SCD5: variants seen among roughly 807,000 people sequenced by gnomAD.
SCD5 encodes the protein stearoyl-CoA desaturase 5, also known as acyl-CoA-desaturase 4.
Under a neutral mutation model 30.4 loss-of-function variants are expected in SCD5, and 20 were observed. That is an observed-to-expected ratio of 0.66 (90% CI 0.46 to 0.96). The LOEUF (loss-of-function observed/expected upper bound fraction) is 0.96. SCD5 is among the 40% of genes least tolerant of loss of function. The pLI is 0.00. For synonymous variants in SCD5, 173 were observed against 176.4 expected (o/e 0.98, Z 0.16); for missense variants, 381 against 443.3 (o/e 0.86, Z 1.26).
chr4:82,770,577 A>G (rs1009610556), intron 1 of SCD5, among the ~76,000 whole-genome samples: 1 of 152,252 alleles, frequency 6.6e-6, no homozygotes, highest in Admixed American at 6.5e-5. Flanking sequence ...CTCTTTATTC[A>G]GGGAAATATT....
chr4:82,763,573 T>C (rs570794804), intron 1 of SCD5, among the ~76,000 whole-genome samples: 12 of 152,256 alleles, frequency 7.9e-5, no homozygotes, highest in Non-Finnish European at 1.6e-4. Flanking sequence ...CTGACTGGCA[T>C]CATAAGAGGA....
chr4:82,708,280 A>T (rs1355174509), intron 1 of SCD5, among the ~76,000 whole-genome samples: 5 of 152,226 alleles, frequency 3.3e-5, no homozygotes, highest in Admixed American at 6.5e-5. Flanking sequence ...CAATTACTGA[A>T]TTCCCATTGG....
intron 3 of SCD5, among the ~76,000 whole-genome samples, chr4:82,665,961 G>A (rs1255789814): frequency 6.6e-6 from 1 of 152,010 alleles, no homozygotes; most frequent in Non-Finnish European, 1.5e-5. Context: ...TCTTGATGCT[G>A]ATTTGCATTT....
In SCD5 at chr4:82,631,147, T is replaced by C; in HGVS notation, c.*180A>G. On this transcript the variant is annotated 3_prime_UTR_variant, in exon 5 of 5. Coordinates refer to ENST00000319540, the MANE Select transcript of SCD5 (RefSeq NM_001037582.3). ...AAACAAAAAAAAAAACGAAAGTTTTTTCATTGATAATTGTATTTCAACATT... is the reference window on the plus strand; with the variant it reads ...AAACAAAAAAAAAAACGAAAGTTTTCTCATTGATAATTGTATTTCAACATT... 1.9e-6 allele frequency: 1 copy of C among 518,112 alleles called. No homozygotes were observed. Among genetic ancestry groups the C allele is most frequent in the East Asian group, 3.3e-5 (1 of 30,262 alleles). 32.1% of individuals were successfully genotyped at this position (518,112 alleles called of 1,614,324 possible). A position where few individuals can be genotyped will look rare whatever the true frequency, so the allele number is the denominator to read the frequency against.
At chr4:82,643,792 G>A (rs1053031408) in intron 3 of SCD5, among the ~76,000 whole-genome samples, 7 of 152,166 alleles carry the variant, frequency 4.6e-5, no homozygotes, top group Admixed American at 3.9e-4. Flanking sequence ...AGAGCACAGG[G>A]GCAGAAATCA....
At chr4:82,726,324 G>A (rs977441996) in intron 1 of SCD5, among the ~76,000 whole-genome samples, 9 of 151,764 alleles carry the variant, frequency 5.9e-5, no homozygotes, top group Admixed American at 5.9e-4. Flanking sequence ...GGCTGAGGCA[G>A]GAGAATCGCT....
chr4:82,672,912 T>C (rs951951539), intron 3 of SCD5, among the ~76,000 whole-genome samples: 1 of 152,072 alleles, frequency 6.6e-6, no homozygotes, highest in Non-Finnish European at 1.5e-5. Flanking sequence ...ATTAATGTAA[T>C]CTACCACATT....
intron 3 of SCD5, among the ~76,000 whole-genome samples, chr4:82,668,097 G>A (rs970118099): frequency 1.3e-5 from 2 of 152,146 alleles, no homozygotes; most frequent in Admixed American, 6.6e-5. Flanking sequence ...AACAGCTTTT[G>A]TTCTCTTATA....
In SCD5 at chr4:82,631,345, A is replaced by G. The variant is rs746676567; in HGVS notation, c.975T>C (p.Thr325=). 1.2e-6 allele frequency: 2 copies of G among 1,613,994 alleles called. No homozygotes were observed. Among genetic ancestry groups the G allele is most frequent in the Non-Finnish European group, 1.7e-6 (2 of 1,179,972 alleles). Residue 325 remains threonine (T), a synonymous_variant, in exon 5 of 5, where the codon ACT becomes ACC. Transcript: ENST00000319540. ...TCCAAGTTCAAGCACTGCTGTCTCC[A>G]GTCCTGGCCTTCCGGGCCTCGATCA... ...KPMIEARKAR[T]GDSSA
intron 3 of SCD5, among the ~76,000 whole-genome samples, chr4:82,678,775 CTGTT>C (rs1728489234): frequency 6.6e-6 from 1 of 152,148 alleles, no homozygotes; most frequent in Non-Finnish European, 1.5e-5. Context: ...TTAATAGTGT[CTGTT>C]TATCTGTTAA....
intron 3 of SCD5, among the ~76,000 whole-genome samples, chr4:82,668,685 G>T (rs2148818599): frequency 6.6e-6 from 1 of 152,324 alleles, no homozygotes; most frequent in African/African-American, 2.4e-5. Context: ...ATGGCCAAGT[G>T]ATGCTTACCT....
At chr4:82,700,619 G>A (rs908579588) in intron 2 of SCD5, among the ~76,000 whole-genome samples, 6 of 151,746 alleles carry the variant, frequency 4.0e-5, no homozygotes, top group African/African-American at 1.5e-4. Flanking sequence ...CGAAAATGAA[G>A]TAGAAATAAG....
rs1249695171 is a variant in SCD5, at chr4:82,630,102, GGCATGTCA to G, written c.*1217_*1224del. The G allele has an allele frequency of 1.3e-5, 2 of 152,148 alleles. No homozygotes were observed. Among genetic ancestry groups the G allele is most frequent in the Non-Finnish European group, 2.9e-5 (2 of 68,028 alleles). The allele number at this position is 152,148 out of a possible 1,614,324, so 9.4% of individuals were successfully genotyped here. A position where few individuals can be genotyped will look rare whatever the true frequency, so the allele number is the denominator to read the frequency against. The stretch of plus-strand genomic sequence containing the variant: ...TTAATTTGAGCTTAATTTGATGTCT[GGCATGTCA>G]GAGTTATACACCTTTAAGATAACAA... On this transcript the variant is annotated 3_prime_UTR_variant, in exon 5 of 5. Transcript: ENST00000319540.
At chr4:82,712,636 G>A (rs935452776) in intron 1 of SCD5, among the ~76,000 whole-genome samples, 1 of 152,034 alleles carries the variant, frequency 6.6e-6, no homozygotes. Context: ...TTTCTAAAGA[G>A]CTTGTGGCAG....
At chr4:82,711,648 G>A (rs888045649) in intron 1 of SCD5, among the ~76,000 whole-genome samples, 4 of 151,998 alleles carry the variant, frequency 2.6e-5, no homozygotes, top group African/African-American at 9.7e-5. Context: ...GGAGGCTGCA[G>A]TGAGCCAGGA....
intron 3 of SCD5, among the ~76,000 whole-genome samples, chr4:82,677,486 G>T (rs1223364510): frequency 6.6e-6 from 1 of 152,170 alleles, no homozygotes; most frequent in East Asian, 1.9e-4. Flanking sequence ...CACATATAAT[G>T]ACTTTGATTC....
intron 3 of SCD5, among the ~76,000 whole-genome samples, chr4:82,662,311 CA>C (rs1389614963): frequency 6.6e-6 from 1 of 152,070 alleles, no homozygotes; most frequent in Non-Finnish European, 1.5e-5. Flanking sequence ...CCTCAGCCTC[CA>C]AAAGTGCTGG....
In SCD5 at chr4:82,771,889, C is replaced by T. The variant is rs559342945; in HGVS notation, c.232+26417G>A. ...CCACATCTTGTGAACAGTCCCTACCCTCAGGGAGCTTCCAGTCCAGTGAGG... is the reference window on the plus strand; with the variant it reads ...CCACATCTTGTGAACAGTCCCTACCTTCAGGGAGCTTCCAGTCCAGTGAGG... On this transcript the variant is annotated intron_variant, in intron 1 of 4. Transcript: ENST00000319540. Among the ~76,000 whole-genome samples, 7 of 152,308 alleles carry T rather than the reference C, an allele frequency of 4.6e-5. No individual in the cohort carries two copies. In the South Asian group the frequency reaches 6.2e-4, roughly 14 times the overall value.
intron 1 of SCD5, among the ~76,000 whole-genome samples, chr4:82,796,539 C>T (rs1291296042): frequency 6.6e-6 from 1 of 152,118 alleles, no homozygotes; most frequent in Admixed American, 6.5e-5. Flanking sequence ...GGGCCTTGTC[C>T]TTGTGGCTCC....
Sources: gnomAD v4.1 joint callset for allele counts (sites outside exome capture counted in the v4.1 genomes callset) on GRCh38, gnomAD v4.1.1 for gene constraint, MANE v1.5 for transcripts, NCBI Gene and HGNC (gene_info 2026-07-23, HGNC 2026-07-21) for gene names.